Variants in NRXN2 observed in about 807,000 individuals in gnomAD.
NRXN2 encodes the protein neurexin-2-beta.
NRXN2 carries 29 observed loss-of-function variants against 128.8 expected under a neutral mutation model. That is an observed-to-expected ratio of 0.23 (90% CI 0.17 to 0.31). The LOEUF (loss-of-function observed/expected upper bound fraction) is 0.31, where lower values mean the gene tolerates loss of function less well. NRXN2 is among the 10% of genes least tolerant of loss of function. The pLI is 1.00. For synonymous variants in NRXN2, 1,098 were observed against 1,075.2 expected (o/e 1.02, Z -0.41); for missense variants, 1,881 against 2,452.6 (o/e 0.77, Z 4.92).
At chr11:64,689,729 T>C (rs964460101) in intron 5 of NRXN2, among the ~76,000 whole-genome samples, 2 of 152,148 alleles carry the variant, frequency 1.3e-5, no homozygotes, top group African/African-American at 4.8e-5. Context: ...CCAGTGTGCA[T>C]GGCCTGGCTG....
intron 6 of NRXN2, among the ~76,000 whole-genome samples, chr11:64,681,715 C>A (rs1218630973): frequency 2.0e-5 from 3 of 152,182 alleles, no homozygotes; most frequent in Non-Finnish European, 4.4e-5. Context: ...GTCTTTCTGA[C>A]TCAAACCTCA....
At chr11:64,706,416 T>A (rs530590162) in intron 2 of NRXN2, among the ~76,000 whole-genome samples, 1 of 146,534 alleles carries the variant, frequency 6.8e-6, no homozygotes, top group South Asian at 2.3e-4. Flanking sequence ...AGTGAGAACA[T>A]GCGGTGTTTG....
chr11:64,636,961 G>A (rs572368598), intron 17 of NRXN2, among the ~76,000 whole-genome samples: 4 of 152,118 alleles, frequency 2.6e-5, no homozygotes, highest in African/African-American at 4.8e-5. Context: ...GAGTGCTTTG[G>A]GGGGAGCCAC....
intron 7 of NRXN2, among the ~76,000 whole-genome samples, chr11:64,671,183 G>T (rs538147702): frequency 6.6e-6 from 1 of 152,262 alleles, no homozygotes; most frequent in East Asian, 1.9e-4. Flanking sequence ...ATGACCCAGG[G>T]GTGGAGTAGC....
chr11:64,614,471 A>G (rs2041161902), intron 22 of NRXN2, among the ~76,000 whole-genome samples: 1 of 152,200 alleles, frequency 6.6e-6, no homozygotes, highest in Non-Finnish European at 1.5e-5. Flanking sequence ...TGTTCCCAAC[A>G]CCCACTTCAG....
chr11:64,681,003 A>G (rs2052167511), intron 6 of NRXN2, among the ~76,000 whole-genome samples: 1 of 151,486 alleles, frequency 6.6e-6, no homozygotes. Flanking sequence ...AGGCTGAGGC[A>G]GGAGAATCAC....
At chr11:64,699,358 C>G (rs2054973798) in intron 2 of NRXN2, among the ~76,000 whole-genome samples, 1 of 151,650 alleles carries the variant, frequency 6.6e-6, no homozygotes, top group African/African-American at 2.4e-5. Context: ...AAACACACTC[C>G]TCTACAACAC....
intron 5 of NRXN2, among the ~76,000 whole-genome samples, chr11:64,686,919 G>T (rs1281627103): frequency 6.6e-6 from 1 of 152,216 alleles, no homozygotes; most frequent in Non-Finnish European, 1.5e-5. Flanking sequence ...CAAGTGAGAA[G>T]ACAATGACTC....
In NRXN2 at chr11:64,607,815, G is replaced by C. The variant is rs1315555171; in HGVS notation, c.4520C>G (p.Pro1507Arg). 6.2e-7 allele frequency: 1 copy of C among 1,601,972 alleles called. No homozygotes were observed. Among genetic ancestry groups the C allele is most frequent in the Non-Finnish European group, 8.5e-7 (1 of 1,174,850 alleles). Residue 1507 changes from proline to arginine, a missense_variant, in exon 23 of 23, where the codon CCC (proline) becomes CGC (arginine). This residue lies in a region of NRXN2 where 310 missense variants were observed against 318.2 expected (regional missense o/e 0.97). Transcript: ENST00000265459. ...SGEVFDSSLP[P>R]TDDEDFYTTF... Reference sequence around the variant, plus strand: ...GGTGTAAAAGTCCTCGTCGTCCGTGGGGGGGAGGCTGGAGTCAAAGACCTC... The same window carrying C: ...GGTGTAAAAGTCCTCGTCGTCCGTGCGGGGGAGGCTGGAGTCAAAGACCTC...
At chr11:64,677,541 T>C (rs1183032347) in intron 6 of NRXN2, among the ~76,000 whole-genome samples, 1 of 152,180 alleles carries the variant, frequency 6.6e-6, no homozygotes, top group African/African-American at 2.4e-5. Flanking sequence ...TCCCTGCCCA[T>C]CCCTTGGTCC....
chr11:64,614,543 G>T (rs983218177), intron 22 of NRXN2, among the ~76,000 whole-genome samples: 5 of 152,226 alleles, frequency 3.3e-5, no homozygotes, highest in Non-Finnish European at 7.3e-5. Flanking sequence ...AGGGACCCCA[G>T]ACAAAGGAGA....
At chr11:64,665,743 A>G (rs2049760250) in intron 9 of NRXN2, among the ~76,000 whole-genome samples, 1 of 152,190 alleles carries the variant, frequency 6.6e-6, no homozygotes, top group Admixed American at 6.5e-5. Flanking sequence ...CAGGCGGAGG[A>G]GCACAAAAAT....
Position 64,671,531 on chromosome 11 carries a change from G to A in NRXN2, c.1198-2927C>T, listed in dbSNP as rs191534504. Among the ~76,000 whole-genome samples, 51 of 152,254 alleles carry A rather than the reference G, an allele frequency of 3.3e-4. 1 individual carries two copies. The highest frequency in any genetic ancestry group is 2.6e-3 in the Admixed American group (40 of 15,298). On this transcript the variant is annotated intron_variant, in intron 7 of 22. Transcript: ENST00000265459. ...CGCATCTTCTGGAAGGGGTGGGGCCGGTGGGGGAGGAGGGAAGGGAGGGGG... is the reference window on the plus strand; with the variant it reads ...CGCATCTTCTGGAAGGGGTGGGGCCAGTGGGGGAGGAGGGAAGGGAGGGGG...
chr11:64,622,396 TG>T lies in NRXN2; in HGVS notation c.4173+356del, dbSNP rs1473226346. ...ACAGAACGCTAGGCATGGCCTTCAC[TG>T]GGGAAGCAGAAGGAGCCATCCTACT... On this transcript the variant is annotated intron_variant, in intron 21 of 22. Transcript: ENST00000265459. This position sits in a 1 kb window ranked among gnomAD's most constrained non-coding sequence, Gnocchi z 4.3. Among the ~76,000 whole-genome samples the T allele has an allele frequency of 2.1e-4, 32 of 152,172 alleles. No homozygotes were observed. The highest frequency in any genetic ancestry group is 7.2e-4 in the African/African-American group (30 of 41,436).
At chr11:64,689,589 A>T (rs982070743) in intron 5 of NRXN2, among the ~76,000 whole-genome samples, 18 of 152,212 alleles carry the variant, frequency 1.2e-4, no homozygotes, top group African/African-American at 4.3e-4. Flanking sequence ...CCTGGCCTCA[A>T]GGAGCTTGGT....
intron 3 of NRXN2, among the ~76,000 whole-genome samples, chr11:64,695,343 G>A (rs1319262468): frequency 2.0e-5 from 3 of 152,156 alleles, no homozygotes; most frequent in Admixed American, 6.5e-5. Context: ...GCCACTAGAG[G>A]CTGGGAGGAA....
chr11:64,644,330 G>C (rs1028449451), intron 17 of NRXN2, among the ~76,000 whole-genome samples: 1 of 151,198 alleles, frequency 6.6e-6, no homozygotes, highest in African/African-American at 2.4e-5. Flanking sequence ...TGCTCCCCCA[G>C]CCCCCTGCAC....
rs1350130487 is a variant in NRXN2, at chr11:64,643,209, C to A, written c.3403+5010G>T. 6.2e-6 allele frequency: 6 copies of A among 970,108 alleles called. No individual in the cohort carries two copies. The East Asian group carries it at 7.5e-4, about 122-fold the overall frequency. The allele number at this position is 970,108 out of a possible 1,614,324, so 60.1% of individuals were successfully genotyped here. A position where few individuals can be genotyped will look rare whatever the true frequency, so the allele number is the denominator to read the frequency against. On this transcript the variant is annotated intron_variant, in intron 17 of 22. Coordinates refer to ENST00000265459, the MANE Select transcript of NRXN2 (RefSeq NM_015080.4). ...AGGGAAATCCTGCGGAAAAACCGAG[C>A]TGGGGAGCGGGGCGGTGCGGGCTGG...
At chr11:64,646,988 A>G (rs548032305) in intron 17 of NRXN2, among the ~76,000 whole-genome samples, 1 of 151,962 alleles carries the variant, frequency 6.6e-6, no homozygotes, top group Non-Finnish European at 1.5e-5. Flanking sequence ...TTTTTTTCAA[A>G]GGGGAAAGAA....
Sources: gnomAD v4.1 joint callset for allele counts (sites outside exome capture counted in the v4.1 genomes callset) on GRCh38, gnomAD v4.1.1 for gene constraint, gnomAD v4.1.1 regional missense constraint, Gnocchi (gnomAD v3.1) non-coding constraint, MANE v1.5 for transcripts, NCBI Gene and HGNC (gene_info 2026-07-23, HGNC 2026-07-21) for gene names.